Variants in SCYL2 observed in about 807,000 individuals in gnomAD.
SCYL2 encodes the protein SCY1 like pseudokinase 2.
A neutral mutation model predicts 100.4 loss-of-function variants in SCYL2; 36 were observed. The ratio of observed to expected loss-of-function variants is 0.36; its 90% CI spans 0.27 to 0.47. SCYL2 has a LOEUF of 0.47. Ranked by LOEUF, SCYL2 falls within the 20% of genes least tolerant of loss-of-function variation. The pLI is 1.00. For synonymous variants in SCYL2, 330 were observed against 359.2 expected, an observed-to-expected ratio of 0.92 and a Z score of 0.92; for missense variants, 902 against 1,083.9, an observed-to-expected ratio of 0.83 and a Z score of 2.36.
At chr12:100,307,629 C>T (rs531647252) in intron 4 of SCYL2, among the ~76,000 whole-genome samples, 2 of 152,186 alleles carry the variant, frequency 1.3e-5, no homozygotes, top group East Asian at 3.9e-4. Context: ...GCAACAAAAG[C>T]CAAACTTGAG....
In SCYL2 at chr12:100,298,117, C is replaced by T. The variant is rs780790004; in HGVS notation, c.422C>T (p.Ser141Phe). 4 of 1,605,954 alleles carry T rather than the reference C, an allele frequency of 2.5e-6. No individual in the cohort carries two copies. In the Admixed American group the frequency reaches 6.7e-5, roughly 27 times the overall value. ...TGGGAAAATCTACCTTCCCCTATAT[C>T]TCCAGACATTAAGGATTATAAACTT... is the stretch of plus-strand genomic sequence containing the variant. ...GNWENLPSPI[S>F]PDIKDYKLYD... Residue 141 changes from serine to phenylalanine, a missense_variant, in exon 4 of 18, where the codon TCT becomes TTT. By Grantham distance (155) the Ser-to-Phe change is radical. Coordinates refer to ENST00000360820, the MANE Select transcript of SCYL2 (RefSeq NM_017988.6).
At chr12:100,316,344 CTTCT>C (rs1351793245) in intron 9 of SCYL2, among the ~76,000 whole-genome samples, 1 of 152,208 alleles carries the variant, frequency 6.6e-6, no homozygotes, top group African/African-American at 2.4e-5. Flanking sequence ...TGAATTGGGG[CTTCT>C]TTATCTCCTT....
At position 100,329,286 on chromosome 12, in the gene SCYL2, C is replaced by T. The variant is rs866463857; in HGVS notation, c.1728C>T (p.Pro576=). 6.3e-7 allele frequency: 1 copy of T among 1,596,944 alleles called. No individual in the cohort carries two copies. The change falls in exon 13 of 18, where the codon CCC becomes CCT. Residue 576 remains proline, a synonymous_variant. Coordinates refer to ENST00000360820, the MANE Select transcript of SCYL2 (RefSeq NM_017988.6). ...GAAAAGTGTTGCCTCATCTTATTCC[C>T]CTGAGTATTGAAAACAATCTTAATC... is the stretch of plus-strand genomic sequence containing the variant. The part of the protein sequence containing the change: ...LAGKVLPHLI[P]LSIENNLNLN...
intron 4 of SCYL2, among the ~76,000 whole-genome samples, chr12:100,307,966 A>G (rs544891241): frequency 2.0e-4 from 30 of 152,370 alleles, no homozygotes; most frequent in East Asian, 1.7e-3. Flanking sequence ...TAGAATGGCA[A>G]TCATTAAAAC....
intron 13 of SCYL2, 29 bp from the exon 14 acceptor site, chr12:100,334,137 G>A: frequency 2.4e-6 from 3 of 1,258,432 alleles, no homozygotes; most frequent in African/African-American, 2.9e-5. Context: ...TTGAAACATT[G>A]TAACCATATC....
At chr12:100,304,961 A>G (rs2135885213) in intron 4 of SCYL2, among the ~76,000 whole-genome samples, 1 of 152,318 alleles carries the variant, frequency 6.6e-6, no homozygotes, top group East Asian at 1.9e-4. Context: ...TAACTATCCT[A>G]AATATATATG....
chr12:100,312,233 A>G (rs538059262), intron 5 of SCYL2, among the ~76,000 whole-genome samples, 199 bp from the exon 6 acceptor site: 2 of 152,166 alleles, frequency 1.3e-5, no homozygotes, highest in Non-Finnish European at 2.9e-5. Context: ...GACTCCAGTA[A>G]TCTCAGTTGT....
chr12:100,291,518 G>A lies in SCYL2; in HGVS notation c.193G>A (p.Val65Ile). ...TTTTATTTAGGAAGTGGCAGTTTTT[G>A]TCTTTGATAAAAAACTGATTGACAA... Reference protein sequence around the residue: ...KSTKQEVAVFVFDKKLIDKYQ... With the variant: ...KSTKQEVAVFIFDKKLIDKYQ... The change falls in exon 3 of 18, where the codon GTC (valine) becomes ATC (isoleucine). Residue 65 changes from valine to isoleucine, a missense_variant. By Grantham distance (29) the Val-to-Ile change is conservative. Transcript: ENST00000360820. 1 of 1,554,044 alleles carries A rather than the reference G, an allele frequency of 6.4e-7. No homozygotes were observed. The highest frequency in any genetic ancestry group is 8.7e-7 in the Non-Finnish European group (1 of 1,153,536).
intron 4 of SCYL2, among the ~76,000 whole-genome samples, chr12:100,305,464 A>C (rs1206798685): frequency 6.6e-6 from 1 of 152,232 alleles, no homozygotes; most frequent in South Asian, 2.1e-4. Flanking sequence ...AATGAGAACA[A>C]AGACACAACA....
At chr12:100,279,654 G>A (rs948355322) in intron 1 of SCYL2, among the ~76,000 whole-genome samples, 1 of 152,250 alleles carries the variant, frequency 6.6e-6, no homozygotes. Flanking sequence ...ATTTAGATTA[G>A]CTTTTACTCT....
At chr12:100,272,868 A>G (rs1353620795) in intron 1 of SCYL2, among the ~76,000 whole-genome samples, 2 of 152,240 alleles carry the variant, frequency 1.3e-5, no homozygotes, top group Non-Finnish European at 2.9e-5. Flanking sequence ...ATAAAAGTAT[A>G]TAACGTAGTT....
chr12:100,324,534 G>A (rs1308066570), intron 11 of SCYL2, among the ~76,000 whole-genome samples: 1 of 152,156 alleles, frequency 6.6e-6, no homozygotes, highest in Non-Finnish European at 1.5e-5. Flanking sequence ...AAAGTAATTT[G>A]AATGATATGA....
chr12:100,326,175 C>G (rs1438385543), intron 11 of SCYL2, among the ~76,000 whole-genome samples: 1 of 152,038 alleles, frequency 6.6e-6, no homozygotes, highest in Non-Finnish European at 1.5e-5. Flanking sequence ...TGGATACCTT[C>G]ACATGTTAAA....
chr12:100,280,134 G>GA (rs1592929146), intron 1 of SCYL2, among the ~76,000 whole-genome samples: 6 of 152,168 alleles, frequency 3.9e-5, no homozygotes, highest in Admixed American at 3.3e-4. Flanking sequence ...TTCAATGTCT[G>GA]AAAAAATGTG....
At chr12:100,338,173 C>G (rs1177973696) in intron 17 of SCYL2, among the ~76,000 whole-genome samples, 1 of 152,034 alleles carries the variant, frequency 6.6e-6, no homozygotes, top group African/African-American at 2.4e-5. Flanking sequence ...AAACAAATTC[C>G]TATAAAGTTT....
rs1377516017 is a variant in SCYL2 at position 100,338,748 on chromosome 12, A to C, written c.2366A>C (p.Asn789Thr). The C allele has an allele frequency of 3.1e-6, 5 of 1,614,054 alleles. No homozygotes were observed. In the African/African-American group the frequency reaches 5.3e-5, roughly 17 times the overall value. The part of the protein sequence containing the change: ...FQTSGFNMPV[N>T]TNQNFYSSPS... ...ACTTCAGGATTCAACATGCCCGTTA[A>C]TACAAACCAGAACTTCTACAGTAGT... The change falls in exon 18 of 18, where the codon AAT (asparagine) becomes ACT (threonine). Residue 789 changes from asparagine (N) to threonine (T), a missense_variant. Physicochemically the swap from Asn to Thr is moderately conservative, Grantham distance 65. Transcript: ENST00000360820.
chr12:100,280,475 A>G (rs962630520), intron 1 of SCYL2, among the ~76,000 whole-genome samples: 3 of 152,176 alleles, frequency 2.0e-5, no homozygotes, highest in African/African-American at 4.8e-5. Flanking sequence ...GTATTCCCTG[A>G]AAAGTCTTCA....
At chr12:100,273,691 A>G (rs1180034639) in intron 1 of SCYL2, among the ~76,000 whole-genome samples, 1 of 152,112 alleles carries the variant, frequency 6.6e-6, no homozygotes, top group Non-Finnish European at 1.5e-5. Flanking sequence ...CCTCCCTTAC[A>G]TATCTTGGCA....
chr12:100,323,470 CAGAG>C, intron 10 of SCYL2, 51 bp from the exon 11 acceptor site: 1 of 1,043,076 alleles, frequency 9.6e-7, no homozygotes, highest in Non-Finnish European at 1.4e-6. Context: ...TTTGTAATAT[CAGAG>C]AGAAAAGATG....
Sources: allele counts gnomAD v4.1 joint callset (sites outside exome capture counted in the v4.1 genomes callset), GRCh38; gene constraint gnomAD v4.1.1; transcripts MANE v1.5; gene names NCBI Gene and HGNC (gene_info 2026-07-23, HGNC 2026-07-21).